The following TRNT1 variants were observed in gnomAD, a reference collection of about 807,000 sequenced individuals.
TRNT1 encodes the protein CCA tRNA nucleotidyltransferase 1, mitochondrial.
In TRNT1, 44 loss-of-function variants were observed where a neutral mutation model predicts 45.6. That is an observed-to-expected ratio of 0.97 (90% CI 0.76 to 1.24). TRNT1 has a LOEUF of 1.24. Among genes scored for constraint, TRNT1 ranks in the 50% most tolerant of loss-of-function variants. TRNT1 has a pLI of 0.00. For synonymous variants in TRNT1, 201 were observed against 171.4 expected (o/e 1.17, Z -1.35); for missense variants, 633 against 504.4 (o/e 1.25, Z -2.44).
At position 3,140,641 on chromosome 3, in the gene TRNT1, GT is replaced by G; in HGVS notation, c.479del (p.Leu160Ter). The G allele has an allele frequency of 6.2e-7, 1 of 1,613,686 alleles. No individual in the cohort carries two copies. The highest frequency in any genetic ancestry group is 8.5e-7 in the Non-Finnish European group (1 of 1,179,858). Reference protein sequence around the residue: ...ERRDLTINSMFLGFDGTLFDY... With the variant: ...ERRDLTINSMXLGFDGTLFDY... ...GCAGAGATCTCACTATAAATTCTAT[GT>G]TTTTAGGTAATATTTGCAGATAAAA... On this transcript the variant is annotated frameshift_variant, in exon 4 of 8. Coordinates refer to ENST00000251607, the MANE Select transcript of TRNT1 (RefSeq NM_182916.3). LOFTEE classifies it high-confidence loss of function.
downstream of TRNT1, chr3:3,149,503 C>CTCATTGCAACTGGGAGGGAA (rs1559235355): frequency 6.6e-6 from 1 of 151,998 alleles, no homozygotes; most frequent in Non-Finnish European, 1.5e-5. Flanking sequence ...TTCAGAGGGA[C>CTCATTGCAACTGGGAGGGAA]AAGGTAACTC....
At chr3:3,153,401 T>G (rs767533718), downstream of TRNT1, 2 of 1,310,128 alleles carry the variant, frequency 1.5e-6, no homozygotes, top group South Asian at 2.4e-5. Flanking sequence ...GCAAGTATAT[T>G]AAAAACGTAA....
downstream of TRNT1, chr3:3,150,848 ATC>A: frequency 1.3e-6 from 2 of 1,484,546 alleles, no homozygotes; most frequent in Non-Finnish European, 1.9e-6. Flanking sequence ...AGATAACTTT[ATC>A]TCTATCACAT....
intron 2 of TRNT1, among the ~76,000 whole-genome samples, chr3:3,133,531 C>G (rs771441429): frequency 2.0e-5 from 3 of 151,278 alleles, no homozygotes; most frequent in Non-Finnish European, 4.4e-5. Context: ...GCACTCCAGC[C>G]TGGATGACAG....
At chr3:3,128,332 C>T (rs1228669495) in intron 1 of TRNT1, among the ~76,000 whole-genome samples, 1 of 152,184 alleles carries the variant, frequency 6.6e-6, no homozygotes, top group Non-Finnish European at 1.5e-5. Flanking sequence ...CTCAGTGGCT[C>T]ACGCCTGTAA....
chr3:3,127,921 G>T (rs935378782), intron 1 of TRNT1: 4 of 152,226 alleles, frequency 2.6e-5, no homozygotes, highest in African/African-American at 7.2e-5. Flanking sequence ...AACTAGGAAA[G>T]AAAGGAGTTT....
intron 2 of TRNT1, among the ~76,000 whole-genome samples, chr3:3,133,530 C>T (rs1374504135): frequency 6.6e-6 from 1 of 151,558 alleles, no homozygotes; most frequent in Non-Finnish European, 1.5e-5. Flanking sequence ...TGCACTCCAG[C>T]CTGGATGACA....
At chr3:3,143,382 C>G (rs1162172147) in intron 4 of TRNT1, among the ~76,000 whole-genome samples, 3 of 152,028 alleles carry the variant, frequency 2.0e-5, no homozygotes, top group African/African-American at 7.2e-5. Flanking sequence ...TTTTTTCATT[C>G]AACATATGAG....
At chr3:3,136,654 TTTTC>T (rs1345595691) in intron 2 of TRNT1, 7 of 413,166 alleles carry the variant, frequency 1.7e-5, no homozygotes, top group African/African-American at 4.3e-5. Context: ...CTTTCTTTTT[TTTTC>T]TTTTTTTTTT....
chr3:3,147,781 A>G, intron 7 of TRNT1, 78 bp downstream of exon 7: 3 of 1,525,422 alleles, frequency 2.0e-6, no homozygotes, highest in Non-Finnish European at 2.6e-6. Flanking sequence ...ACTAAGATCT[A>G]CAAATCTGTG....
At chr3:3,137,095 C>G (rs193030490) in intron 2 of TRNT1, among the ~76,000 whole-genome samples, 165 bp from the exon 3 acceptor site, 1 of 152,302 alleles carries the variant, frequency 6.6e-6, no homozygotes, top group African/African-American at 2.4e-5. Flanking sequence ...GTAGACAAGT[C>G]TTTTTACTTC....
intron 5 of TRNT1, 91 bp from the exon 6 acceptor site, chr3:3,146,339 G>T: frequency 2.1e-6 from 2 of 949,556 alleles, no homozygotes; most frequent in South Asian, 3.6e-5. Context: ...TTAAGCAGAT[G>T]TATGGGATAG....
chr3:3,150,556 T>C, downstream of TRNT1: 1 of 231,476 alleles, frequency 4.3e-6, no homozygotes, highest in Non-Finnish European at 8.7e-6. Context: ...ATCTCATCAT[T>C]TCCAAAGATG....
In TRNT1 at chr3:3,137,376, A is replaced by G; in HGVS notation, c.265A>G (p.Met89Val). ...DFATTATPTQ[M>V]KEMFQSAGIR... ...TGCCACCACTGCTACCCCTACTCAA[A>G]TGAAGGAGATGTTTCAGTCGGCTGG... Residue 89 changes from methionine (M) to valine (V), a missense_variant, in exon 3 of 8, where the codon ATG (methionine) becomes GTG (valine). Coordinates refer to ENST00000251607, the MANE Select transcript of TRNT1 (RefSeq NM_182916.3). 1 of 1,613,988 alleles carries G rather than the reference A, an allele frequency of 6.2e-7. No individual in the cohort carries two copies. Among genetic ancestry groups the G allele is most frequent in the Non-Finnish European group, 8.5e-7 (1 of 1,179,918 alleles).
At chr3:3,138,857 C>T (rs961150032) in intron 3 of TRNT1, among the ~76,000 whole-genome samples, 10 of 152,134 alleles carry the variant, frequency 6.6e-5, no homozygotes, top group South Asian at 2.1e-4. Context: ...CGAGTGTTTT[C>T]TTTCAGGTTG....
intron 1 of TRNT1, chr3:3,127,829 G>A (rs1704688560): frequency 6.6e-6 from 1 of 152,180 alleles, no homozygotes; most frequent in African/African-American, 2.4e-5. Context: ...GCATGCGAGT[G>A]TCGTGGTAAT....
At chr3:3,136,186 C>T (rs191444757) in intron 2 of TRNT1, among the ~76,000 whole-genome samples, 3 of 152,198 alleles carry the variant, frequency 2.0e-5, no homozygotes, top group South Asian at 2.1e-4. Flanking sequence ...TTGTCTTGAT[C>T]GATCCATCGT....
intron 4 of TRNT1, among the ~76,000 whole-genome samples, chr3:3,142,293 C>T (rs961195946): frequency 7.2e-5 from 11 of 152,154 alleles, no homozygotes; most frequent in Admixed American, 1.3e-4. Context: ...CTGACATTTA[C>T]TGAACCCTTA....
chr3:3,147,735 G>GT, intron 7 of TRNT1, 32 bp downstream of exon 7: 1 of 1,565,510 alleles, frequency 6.4e-7, no homozygotes, highest in Non-Finnish European at 8.6e-7. Context: ...TCAGAAATAT[G>GT]AAGTATCGTC....
Sources: allele counts gnomAD v4.1 joint callset (sites outside exome capture counted in the v4.1 genomes callset), GRCh38; gene constraint gnomAD v4.1.1; transcripts MANE v1.5; gene names NCBI Gene and HGNC (gene_info 2026-07-23, HGNC 2026-07-21).